The following ZDHHC14 variants were observed in gnomAD, a reference collection of about 807,000 sequenced individuals.
ZDHHC14 encodes the protein palmitoyltransferase ZDHHC14.
ZDHHC14 carries 16 observed loss-of-function variants against 47.7 expected under a neutral mutation model. The ratio of observed to expected loss-of-function variants is 0.34; its 90% CI spans 0.23 to 0.51. The LOEUF (loss-of-function observed/expected upper bound fraction) is 0.51, where lower values mean the gene tolerates loss of function less well. Ranked by LOEUF, ZDHHC14 falls within the 20% of genes least tolerant of loss-of-function variation. The probability of loss-of-function intolerance (pLI) is 0.97; values close to 1 mark genes in which losing one functional copy is unlikely to be tolerated. For missense variants in ZDHHC14, 515 were observed against 662.5 expected (o/e 0.78, Z 2.44); for synonymous variants, 293 against 278.9 (o/e 1.05, Z -0.50).
At position 157,505,116 on chromosome 6, in the gene ZDHHC14, A is replaced by G. The variant is rs150475021; in HGVS notation, c.246-37469A>G. On this transcript the variant is annotated intron_variant, in intron 1 of 8. Coordinates refer to ENST00000359775, the MANE Select transcript of ZDHHC14 (RefSeq NM_024630.3). ...TGAGCCACCATGTCTGGCCAATAAC[A>G]TGTTTATAAAACTCAAAAGCAAGCA... Among the ~76,000 whole-genome samples, 85 of 152,360 alleles carry G rather than the reference A, an allele frequency of 5.6e-4. No individual in the cohort carries two copies. In the East Asian group the frequency reaches 0.015, roughly 27 times the overall value.
At chr6:157,399,880 G>A (rs1777595366) in intron 1 of ZDHHC14, among the ~76,000 whole-genome samples, 2 of 152,182 alleles carry the variant, frequency 1.3e-5, no homozygotes, top group Admixed American at 1.3e-4. Flanking sequence ...ACTTTGAAAG[G>A]GGACAGGGAG....
At chr6:157,659,181 T>C (rs564016548) in intron 8 of ZDHHC14, among the ~76,000 whole-genome samples, 17 of 152,348 alleles carry the variant, frequency 1.1e-4, no homozygotes, top group Admixed American at 3.3e-4. Flanking sequence ...GAGAATAATT[T>C]GTAAAACTGG....
chr6:157,649,265 A>C (rs138453361), intron 7 of ZDHHC14, among the ~76,000 whole-genome samples: 52 of 152,372 alleles, frequency 3.4e-4, no homozygotes, highest in South Asian at 1.0e-3. Flanking sequence ...GGTGTGGGGC[A>C]GCACTGAAGG....
In ZDHHC14 at chr6:157,512,342, C is replaced by T. The variant is rs769041754; in HGVS notation, c.246-30243C>T. Reference sequence around the variant, plus strand: ...CCTCAGAAGCCCCTTCCTTAGCTTACGGCCACATAGCCCTCTGGTAGTCCT... The same window carrying T: ...CCTCAGAAGCCCCTTCCTTAGCTTATGGCCACATAGCCCTCTGGTAGTCCT... On this transcript the variant is annotated intron_variant, in intron 1 of 8. Coordinates refer to ENST00000359775, the MANE Select transcript of ZDHHC14 (RefSeq NM_024630.3). 3.1e-4 allele frequency among the ~76,000 whole-genome samples: 47 copies of T among 152,352 alleles called. 1 individual carries two copies. Among genetic ancestry groups the T allele is most frequent in the African/African-American group, 9.6e-4 (40 of 41,578 alleles).
In ZDHHC14 at chr6:157,672,607, G is replaced by T. The variant is rs559756851; in HGVS notation, c.1069-117G>T. 121 of 1,141,192 alleles carry T rather than the reference G, an allele frequency of 1.1e-4. No individual in the cohort carries two copies. In the African/African-American group the frequency reaches 1.7e-3, roughly 16 times the overall value. The allele number at this position is 1,141,192 out of a possible 1,614,324, so 70.7% of individuals were successfully genotyped here. On this transcript the variant is annotated intron_variant, in intron 8 of 8. Transcript: ENST00000359775. ...CCTGGCTGACTGAGGTGTCACTAAC[G>T]GTTTCTCTCTTCTCGCACCCCACCC...
chr6:157,495,996 C>T (rs1196429199), intron 1 of ZDHHC14, among the ~76,000 whole-genome samples: 3 of 152,148 alleles, frequency 2.0e-5, no homozygotes, highest in Non-Finnish European at 4.4e-5. Context: ...TGAGCCACTG[C>T]ACCCGGCCTT....
intron 1 of ZDHHC14, among the ~76,000 whole-genome samples, chr6:157,398,557 A>G (rs575731394): frequency 5.3e-5 from 8 of 152,216 alleles, no homozygotes; most frequent in Non-Finnish European, 1.2e-4. Flanking sequence ...GTCTCCTCCA[A>G]AGAAGATTTT....
chr6:157,659,212 C>CA (rs1459476612), intron 8 of ZDHHC14, among the ~76,000 whole-genome samples: 2 of 152,158 alleles, frequency 1.3e-5, no homozygotes, highest in African/African-American at 4.8e-5. Flanking sequence ...AAGAAGCAGT[C>CA]AAAGACTTCA....
At chr6:157,634,144 C>CT (rs1048292660) in intron 5 of ZDHHC14, among the ~76,000 whole-genome samples, 4 of 152,066 alleles carry the variant, frequency 2.6e-5, no homozygotes, top group African/African-American at 9.7e-5. Context: ...GATGGTATCT[C>CT]TTTTTCCAGT....
At position 157,671,919 on chromosome 6, in the gene ZDHHC14, T is replaced by A. The variant is rs537554529; in HGVS notation, c.1069-805T>A. ...TTCAGTAGTATTAAGTCCGTTGATG[T>A]TGTTCTGCAACCACCACTACCACCC... On this transcript the variant is annotated intron_variant, in intron 8 of 8. Transcript: ENST00000359775. Among the ~76,000 whole-genome samples, 34 of 152,342 alleles carry A rather than the reference T, an allele frequency of 2.2e-4. No individual in the cohort carries two copies. In the South Asian group the frequency reaches 6.4e-3, roughly 29 times the overall value.
chr6:157,647,733 A>G lies in ZDHHC14; in HGVS notation c.965+365A>G, dbSNP rs895614216. Among the ~76,000 whole-genome samples, 11 of 152,376 alleles carry G rather than the reference A, an allele frequency of 7.2e-5. No homozygotes were observed. In the East Asian group the frequency reaches 1.2e-3, roughly 16 times the overall value. On this transcript the variant is annotated intron_variant, in intron 7 of 8. Coordinates refer to ENST00000359775, the MANE Select transcript of ZDHHC14 (RefSeq NM_024630.3). ...ACACATGTGCAGGAAGGAAGCAGCC[A>G]GAAGTCTGAGGAAACCAGTTTCGAA...
chr6:157,381,482 C>G lies in ZDHHC14; in HGVS notation c.-540C>G, dbSNP rs1583597063. The G allele has an allele frequency of 1.6e-5, 6 of 366,840 alleles. No homozygotes were observed. Among genetic ancestry groups the G allele is most frequent in the South Asian group, 9.1e-5 (5 of 55,094 alleles). 22.7% of individuals were successfully genotyped at this position (366,840 alleles called of 1,614,324 possible). ...GGGTTGCCGGTGCCGCGCGCGGCCG[C>G]CCAGTCGCCAGCGCTCTCTCCTGGG... is the stretch of plus-strand genomic sequence containing the variant. On this transcript the variant is annotated 5_prime_UTR_variant, in exon 1 of 9. Coordinates refer to ENST00000359775, the MANE Select transcript of ZDHHC14 (RefSeq NM_024630.3).
intron 5 of ZDHHC14, among the ~76,000 whole-genome samples, chr6:157,638,274 G>A (rs1777079874): frequency 6.6e-6 from 1 of 152,210 alleles, no homozygotes; most frequent in Non-Finnish European, 1.5e-5. Context: ...CTGGCTCAGA[G>A]TCCATAGTCG....
intron 2 of ZDHHC14, 109 bp from the exon 3 acceptor site, chr6:157,592,879 G>A (rs1783970329): frequency 2.9e-5 from 43 of 1,496,440 alleles, no homozygotes; most frequent in Non-Finnish European, 3.7e-5. Context: ...CGGGGGCCCT[G>A]CCAGCCGCTG....
rs1055975496 is a variant in ZDHHC14, at chr6:157,501,435, T to C, written c.246-41150T>C. On this transcript the variant is annotated intron_variant, in intron 1 of 8. Transcript: ENST00000359775. The stretch of plus-strand genomic sequence containing the variant: ...TCCAAGAACAATTATTCCAGGAATC[T>C]GTTGTATTCTAAATTAGCTGTATCT... 1.3e-5 allele frequency among the ~76,000 whole-genome samples: 2 copies of C among 151,912 alleles called. 1 individual carries two copies. Among genetic ancestry groups the C allele is most frequent in the Non-Finnish European group, 2.9e-5 (2 of 68,042 alleles).
At chr6:157,535,015 G>C (rs530170001) in intron 1 of ZDHHC14, among the ~76,000 whole-genome samples, 1 of 152,278 alleles carries the variant, frequency 6.6e-6, no homozygotes, top group South Asian at 2.1e-4. Context: ...ATGATTTGAA[G>C]CCTGTATTAT....
In ZDHHC14 at chr6:157,427,996, G is replaced by A. The variant is rs557315748; in HGVS notation, c.245+45730G>A. 1.2e-4 allele frequency among the ~76,000 whole-genome samples: 19 copies of A among 152,026 alleles called. No individual in the cohort carries two copies. Among genetic ancestry groups the A allele is most frequent in the African/African-American group, 4.6e-4 (19 of 41,446 alleles). The stretch of plus-strand genomic sequence containing the variant: ...ATATGTGCTGTGTTCACTTATCCAT[G>A]TGAAGGAGGAATAGGGATCGTGAAT... On this transcript the variant is annotated intron_variant, in intron 1 of 8. Transcript: ENST00000359775. This position sits in a 1 kb window ranked among gnomAD's most constrained non-coding sequence, Gnocchi z 4.4.
rs1192021128 is a variant in ZDHHC14, at chr6:157,678,102, A to G, written c.*4980A>G. Reference sequence around the variant, plus strand: ...TTGCAGAATTTATCTTAAACCTGAGATGAATTAAAAAATTTTTCTCCTTCA... The same window carrying G: ...TTGCAGAATTTATCTTAAACCTGAGGTGAATTAAAAAATTTTTCTCCTTCA... On this transcript the variant is annotated 3_prime_UTR_variant, in exon 9 of 9. Coordinates refer to ENST00000359775, the MANE Select transcript of ZDHHC14 (RefSeq NM_024630.3). The G allele has an allele frequency of 6.6e-6, 1 of 152,240 alleles. No homozygotes were observed. The highest frequency in any genetic ancestry group is 1.5e-5 in the Non-Finnish European group (1 of 68,034). The allele number at this position is 152,240 out of a possible 1,614,324, so 9.4% of individuals were successfully genotyped here.
chr6:157,387,986 G>T (rs1777352047), intron 1 of ZDHHC14, among the ~76,000 whole-genome samples: 1 of 152,162 alleles, frequency 6.6e-6, no homozygotes, highest in Non-Finnish European at 1.5e-5. Flanking sequence ...TAATTCTTCT[G>T]AATTCAAGTG....
Sources: allele counts gnomAD v4.1 joint callset (sites outside exome capture counted in the v4.1 genomes callset), GRCh38; gene constraint gnomAD v4.1.1; non-coding constraint Gnocchi (gnomAD v3.1); transcripts MANE v1.5; gene names NCBI Gene and HGNC (gene_info 2026-07-23, HGNC 2026-07-21).